Variants in CDYL observed in about 807,000 individuals in gnomAD.
CDYL encodes the protein chromodomain Y like.
Under a neutral mutation model 47.3 loss-of-function variants are expected in CDYL, and 8 were observed. The observed-to-expected ratio is 0.17, with a 90% CI of 0.10 to 0.31. CDYL has a LOEUF of 0.31. CDYL is among the 10% of genes least tolerant of loss of function. The probability of loss-of-function intolerance (pLI) is 1.00; values close to 1 mark genes in which losing one functional copy is unlikely to be tolerated. For synonymous variants in CDYL, 266 were observed against 265.0 expected (o/e 1.00, Z -0.04); for missense variants, 471 against 701.4 (o/e 0.67, Z 3.71).
chr6:4,895,073 A>C (rs1186847100), intron 2 of CDYL, among the ~76,000 whole-genome samples: 2 of 64,048 alleles, frequency 3.1e-5, no homozygotes, highest in Non-Finnish European at 1.1e-4. Flanking sequence ...GTATATATGT[A>C]TCTATATGCA....
intron 1 of CDYL, among the ~76,000 whole-genome samples, chr6:4,706,656 G>A (rs1283646462): frequency 6.6e-6 from 1 of 152,034 alleles, no homozygotes; most frequent in Admixed American, 6.6e-5. Flanking sequence ...AGGTGTGGTG[G>A]TGCGCGCCTG....
At chr6:4,894,907 G>A (rs74316757) in intron 2 of CDYL, among the ~76,000 whole-genome samples, 4,807 of 144,636 alleles carry the variant, frequency 0.033, 95 homozygotes, top group Non-Finnish European at 0.052. Context: ...ACACACGTAC[G>A]TGTGTATATA....
intron 2 of CDYL, among the ~76,000 whole-genome samples, chr6:4,928,027 CAT>C (rs1757929115): frequency 6.6e-6 from 1 of 152,208 alleles, no homozygotes; most frequent in Non-Finnish European, 1.5e-5. Context: ...TCTAGCTCAT[CAT>C]TTTCCCCTGT....
In CDYL at chr6:4,891,995, A is replaced by G. The variant is rs367701620; in HGVS notation, c.307A>G (p.Lys103Glu). 1 of 1,614,246 alleles carries G rather than the reference A, an allele frequency of 6.2e-7. No homozygotes were observed. Among genetic ancestry groups the G allele is most frequent in the Non-Finnish European group, 8.5e-7 (1 of 1,180,046 alleles). ...CTCTCCTAAGGCACTCGTGATTGGG[A>G]AAGACCACGAATCCAAAAACAGCCA... ...KTSPKALVIG[K>E]DHESKNSQLF... The change falls in exon 2 of 7, where the codon AAA (lysine) becomes GAA (glutamate). Residue 103 changes from lysine to glutamate, a missense_variant. Physicochemically the swap from Lys to Glu is moderately conservative, Grantham distance 56. Coordinates refer to ENST00000397588, the MANE Select transcript of CDYL (RefSeq NM_004824.4).
intron 3 of CDYL, among the ~76,000 whole-genome samples, chr6:4,749,091 T>C (rs1757943635): frequency 6.6e-6 from 1 of 152,210 alleles, no homozygotes; most frequent in Non-Finnish European, 1.5e-5. Context: ...AGGTAATTTT[T>C]TTCTACTCCA....
intron 3 of CDYL, among the ~76,000 whole-genome samples, chr6:4,746,095 G>T (rs963237293): frequency 7.2e-5 from 11 of 152,090 alleles, no homozygotes; most frequent in Middle Eastern, 3.4e-3. Flanking sequence ...GCTGGGCGCG[G>T]TGGCTCACCC....
Position 4,813,935 on chromosome 6 carries a change from A to G in CDYL, c.24+37128A>G, listed in dbSNP as rs1411521543. 1.1e-4 allele frequency among the ~76,000 whole-genome samples: 7 copies of G among 65,982 alleles called. No individual in the cohort carries two copies. In the Admixed American group the frequency reaches 1.5e-3, roughly 15 times the overall value. The allele number at this position is 65,982 out of a possible 152,430, so 43.3% of individuals were successfully genotyped here. On this transcript the variant is annotated intron_variant, in intron 1 of 6. Coordinates refer to ENST00000397588, the MANE Select transcript of CDYL (RefSeq NM_004824.4). Reference sequence around the variant, plus strand: ...CAGAAGTGTGCCACTATGCCTGGCTAATTTTTTTTTTTTTTTTTTTTGTAG... The same window carrying G: ...CAGAAGTGTGCCACTATGCCTGGCTGATTTTTTTTTTTTTTTTTTTTGTAG...
chr6:4,770,281 T>C (rs916781287), intron 3 of CDYL, among the ~76,000 whole-genome samples: 14 of 152,302 alleles, frequency 9.2e-5, no homozygotes, highest in African/African-American at 3.1e-4. Flanking sequence ...TGAGTGACTA[T>C]AACTTAATGA....
intron 1 of CDYL, among the ~76,000 whole-genome samples, chr6:4,812,443 TG>T (rs1163604122): frequency 2.0e-5 from 3 of 152,280 alleles, no homozygotes; most frequent in Admixed American, 2.0e-4. Flanking sequence ...GATAGAAGAG[TG>T]TGAACATTTT....
At chr6:4,893,556 G>A (rs531939875) in intron 2 of CDYL, among the ~76,000 whole-genome samples, 27 of 152,312 alleles carry the variant, frequency 1.8e-4, no homozygotes, top group South Asian at 1.7e-3. Flanking sequence ...AGCCAGGCGC[G>A]GTGGCGCGCA....
intron 1 of CDYL, among the ~76,000 whole-genome samples, chr6:4,881,530 A>G (rs577304890): frequency 6.6e-6 from 1 of 152,318 alleles, no homozygotes; most frequent in East Asian, 1.9e-4. Flanking sequence ...TCTGAAATGC[A>G]TGATAAAAAT....
chr6:4,846,764 A>G (rs1476277483), intron 1 of CDYL, among the ~76,000 whole-genome samples: 1 of 152,252 alleles, frequency 6.6e-6, no homozygotes, highest in South Asian at 2.1e-4. Context: ...GTGAATCATA[A>G]TATTTAATTA....
At chr6:4,774,284 A>G (rs552380129), upstream of CDYL, among the ~76,000 whole-genome samples, 3 of 152,344 alleles carry the variant, frequency 2.0e-5, no homozygotes, top group Admixed American at 2.0e-4. Context: ...ATCACCTGCC[A>G]GTATTTGAGC....
rs780919811 is a variant in CDYL at position 4,953,931 on chromosome 6, A to C, written c.1510A>C (p.Asn504His). The change falls in exon 7 of 7, where the codon AAC becomes CAC. Residue 504 changes from asparagine (N) to histidine (H), a missense_variant. Coordinates refer to ENST00000397588, the MANE Select transcript of CDYL (RefSeq NM_004824.4). ...GGAATCCAAAGCCCTCGTGCGCTGC[A>C]ACATGAAGATGGAGCTGGAGCAGGC... is the stretch of plus-strand genomic sequence containing the variant. Reference protein sequence around the residue: ...LEESKALVRCNMKMELEQANE... With the variant: ...LEESKALVRCHMKMELEQANE... 2 of 1,614,032 alleles carry C rather than the reference A, an allele frequency of 1.2e-6. No homozygotes were observed. Among genetic ancestry groups the C allele is most frequent in the Non-Finnish European group, 1.7e-6 (2 of 1,179,982 alleles).
chr6:4,903,502 A>G (rs541515484), intron 2 of CDYL, among the ~76,000 whole-genome samples: 1 of 152,332 alleles, frequency 6.6e-6, no homozygotes, highest in Non-Finnish European at 1.5e-5. Context: ...TCTGAGCAAA[A>G]TCTACTTAAA....
chr6:4,889,381 G>A (rs139152805), intron 1 of CDYL, among the ~76,000 whole-genome samples: 7,029 of 152,034 alleles, frequency 0.046, 213 homozygotes, highest in South Asian at 0.14. Flanking sequence ...GCACCACCAT[G>A]CCCAGCTAAT....
chr6:4,888,967 A>C (rs1343960170), intron 1 of CDYL, among the ~76,000 whole-genome samples: 1 of 152,140 alleles, frequency 6.6e-6, no homozygotes, highest in Non-Finnish European at 1.5e-5. Context: ...AATCCTTTTA[A>C]ATGTACTGAG....
At chr6:4,806,715 G>A (rs896316697) in intron 1 of CDYL, among the ~76,000 whole-genome samples, 5 of 152,114 alleles carry the variant, frequency 3.3e-5, no homozygotes, top group African/African-American at 7.2e-5. Flanking sequence ...TCTTTCCTTC[G>A]ATGATCTGGA....
chr6:4,898,673 C>T (rs138115648), intron 2 of CDYL, among the ~76,000 whole-genome samples: 47 of 152,192 alleles, frequency 3.1e-4, no homozygotes, highest in African/African-American at 9.9e-4. Flanking sequence ...CATAGTGGTC[C>T]GCAAACCTGC....
Sources: gnomAD v4.1 joint callset for allele counts (sites outside exome capture counted in the v4.1 genomes callset) on GRCh38, gnomAD v4.1.1 for gene constraint, MANE v1.5 for transcripts, NCBI Gene and HGNC (gene_info 2026-07-23, HGNC 2026-07-21) for gene names.